SLC7A14: variants seen among roughly 807,000 people sequenced by gnomAD.
SLC7A14 encodes solute carrier family 7 member 14, also known as gamma-aminobutyric acid transporter SLC7A14.
Under a neutral mutation model 60.2 loss-of-function variants are expected in SLC7A14, and 37 were observed. That is an observed-to-expected ratio of 0.61 (90% CI 0.47 to 0.81). SLC7A14 has a LOEUF of 0.81. Ranked by LOEUF, SLC7A14 falls within the 30% of genes least tolerant of loss-of-function variation. The pLI is 0.00. For missense variants in SLC7A14, 886 were observed against 982.7 expected (o/e 0.90, Z 1.32); for synonymous variants, 399 against 395.8 (o/e 1.01, Z -0.10).
intron 2 of SLC7A14, among the ~76,000 whole-genome samples, chr3:170,517,495 C>T (rs1033304439): frequency 2.6e-5 from 4 of 152,232 alleles, no homozygotes; most frequent in African/African-American, 9.6e-5. Context: ...ACCAACCCTC[C>T]TGTTTCACCT....
In SLC7A14 at chr3:170,563,470, T is replaced by C. The variant is rs929068748; in HGVS notation, c.-153+22441A>G. ...TCTTACTCTGTCGCCCAGGCTGGAG[T>C]GCAATGGTGCGATCTCGGCTCACTG... On this transcript the variant is annotated intron_variant, in intron 1 of 7. Transcript: ENST00000231706. Among the ~76,000 whole-genome samples the C allele has an allele frequency of 1.7e-4, 24 of 144,844 alleles. No homozygotes were observed. The East Asian group carries it at 4.9e-3, about 29-fold the overall frequency.
In SLC7A14 at chr3:170,507,924, C is replaced by T. The variant is rs569423791; in HGVS notation, c.305-6579G>A. ...TGTGGACCCCCAGGGCTGTACTGAG[C>T]ATGGGAATGGGAAGAGGTGTCAGTT... On this transcript the variant is annotated intron_variant, in intron 2 of 7. Coordinates refer to ENST00000231706, the MANE Select transcript of SLC7A14 (RefSeq NM_020949.3). 9.0e-4 allele frequency among the ~76,000 whole-genome samples: 137 copies of T among 152,314 alleles called. 1 individual carries two copies. The highest frequency in any genetic ancestry group is 3.1e-3 in the African/African-American group (130 of 41,574).
intron 3 of SLC7A14, among the ~76,000 whole-genome samples, chr3:170,500,511 T>C (rs572088862): frequency 6.6e-6 from 1 of 151,818 alleles, no homozygotes; most frequent in Non-Finnish European, 1.5e-5. Flanking sequence ...TCATGGTATT[T>C]GTTACACGAG....
chr3:170,506,993 C>T (rs1432025536), intron 2 of SLC7A14, among the ~76,000 whole-genome samples: 5 of 152,276 alleles, frequency 3.3e-5, no homozygotes, highest in African/African-American at 4.8e-5. Context: ...ATAAATTTCC[C>T]TCTGCATTCC....
At chr3:170,558,232 G>T (rs1234784154) in intron 1 of SLC7A14, among the ~76,000 whole-genome samples, 1 of 152,106 alleles carries the variant, frequency 6.6e-6, no homozygotes, top group Non-Finnish European at 1.5e-5. Flanking sequence ...GCCAGGTGTG[G>T]TGGTACACAC....
At chr3:170,500,202 G>A (rs1712560062) in intron 3 of SLC7A14, among the ~76,000 whole-genome samples, 1 of 152,036 alleles carries the variant, frequency 6.6e-6, no homozygotes, top group South Asian at 2.1e-4. Flanking sequence ...CAGCACTTTG[G>A]GAGGCCAAGG....
intron 1 of SLC7A14, among the ~76,000 whole-genome samples, chr3:170,546,700 T>G (rs2108302761): frequency 6.6e-6 from 1 of 152,328 alleles, no homozygotes; most frequent in South Asian, 2.1e-4. Flanking sequence ...TGCTCCGACT[T>G]TCAGAGCAAC....
chr3:170,481,820 C>A (rs182166277), intron 6 of SLC7A14, among the ~76,000 whole-genome samples: 1 of 152,118 alleles, frequency 6.6e-6, no homozygotes, highest in Non-Finnish European at 1.5e-5. Flanking sequence ...CCAGGCTCTG[C>A]GTGAAAAAGT....
chr3:170,512,588 T>A (rs1713014397), intron 2 of SLC7A14, among the ~76,000 whole-genome samples: 1 of 149,350 alleles, frequency 6.7e-6, no homozygotes, highest in Non-Finnish European at 1.5e-5. Flanking sequence ...TCCCCTTTTC[T>A]ACTCCCCCAC....
At chr3:170,491,111 G>A (rs1360966819) in intron 4 of SLC7A14, among the ~76,000 whole-genome samples, 4 of 152,128 alleles carry the variant, frequency 2.6e-5, no homozygotes, top group African/African-American at 9.7e-5. Flanking sequence ...CAAGTACCCA[G>A]CTTGATTTTA....
chr3:170,526,566 G>T, intron 2 of SLC7A14, 67 bp downstream of exon 2: 1 of 1,549,364 alleles, frequency 6.5e-7, no homozygotes, highest in South Asian at 1.2e-5. Flanking sequence ...TCCGGAGAAA[G>T]GGGATGAACA....
chr3:170,492,813 T>C (rs776798679), intron 4 of SLC7A14, among the ~76,000 whole-genome samples: 2 of 152,198 alleles, frequency 1.3e-5, no homozygotes, highest in Non-Finnish European at 2.9e-5. Flanking sequence ...GTCTGCCGGA[T>C]GCCTGGGAGA....
chr3:170,520,132 C>T (rs1393639244), intron 2 of SLC7A14, among the ~76,000 whole-genome samples: 2 of 152,202 alleles, frequency 1.3e-5, no homozygotes, highest in Non-Finnish European at 2.9e-5. Context: ...AAAGTGAGCT[C>T]TGGAGTCAGA....
intron 2 of SLC7A14, among the ~76,000 whole-genome samples, chr3:170,509,464 G>C (rs373409956): frequency 2.0e-5 from 3 of 152,140 alleles, no homozygotes; most frequent in African/African-American, 7.2e-5. Context: ...CTTTGAGTCA[G>C]AGAAGTCACC....
At chr3:170,529,444 C>T (rs1210581026) in intron 1 of SLC7A14, among the ~76,000 whole-genome samples, 1 of 152,132 alleles carries the variant, frequency 6.6e-6, no homozygotes, top group Admixed American at 6.5e-5. Flanking sequence ...TGGCCTGTTG[C>T]TTTAGTTTTA....
At chr3:170,549,680 C>A (rs1442484623) in intron 1 of SLC7A14, among the ~76,000 whole-genome samples, 2 of 152,170 alleles carry the variant, frequency 1.3e-5, no homozygotes, top group East Asian at 3.9e-4. Context: ...TGGGGAGAGG[C>A]ACTTTGCTTG....
At chr3:170,507,503 T>C (rs1264230131) in intron 2 of SLC7A14, among the ~76,000 whole-genome samples, 1 of 151,978 alleles carries the variant, frequency 6.6e-6, no homozygotes, top group African/African-American at 2.4e-5. Flanking sequence ...AGCTACTTCT[T>C]GGAGGGTAAG....
chr3:170,466,916 T>C lies in SLC7A14; in HGVS notation c.*139A>G, dbSNP rs971634917. 1 of 732,134 alleles carries C rather than the reference T, an allele frequency of 1.4e-6. No individual in the cohort carries two copies. Among genetic ancestry groups the C allele is most frequent in the Non-Finnish European group, 2.3e-6 (1 of 443,376 alleles). The allele number at this position is 732,134 out of a possible 1,614,324, so 45.4% of individuals were successfully genotyped here. ...TATCCTGAAGAGCAAAAGTAGCAAA[T>C]GACAGGCTATGACTAGGGATTGAAT... On this transcript the variant is annotated 3_prime_UTR_variant, in exon 8 of 8. Coordinates refer to ENST00000231706, the MANE Select transcript of SLC7A14 (RefSeq NM_020949.3).
intron 1 of SLC7A14, among the ~76,000 whole-genome samples, chr3:170,569,606 C>A (rs1714887590): frequency 6.6e-6 from 1 of 152,108 alleles, no homozygotes; most frequent in Non-Finnish European, 1.5e-5. Flanking sequence ...CTCCTTGTAC[C>A]TCTGTAGAAT....
Sources: gnomAD v4.1 joint callset for allele counts (sites outside exome capture counted in the v4.1 genomes callset) on GRCh38, gnomAD v4.1.1 for gene constraint, MANE v1.5 for transcripts, NCBI Gene and HGNC (gene_info 2026-07-23, HGNC 2026-07-21) for gene names.